The following ABCA13 variants were observed in gnomAD, a reference collection of about 807,000 sequenced individuals.
The protein encoded by ABCA13 is ATP binding cassette subfamily A member 13, also known as ATP-binding cassette sub-family A member 13.
ABCA13 carries 476 observed loss-of-function variants against 478.7 expected under a neutral mutation model. The observed-to-expected ratio is 0.99, with a 90% CI of 0.92 to 1.07. The LOEUF is 1.07. ABCA13 is among the 50% of genes least tolerant of loss of function. The probability of loss-of-function intolerance (pLI) is 0.00; values close to 1 mark genes in which losing one functional copy is unlikely to be tolerated. For synonymous variants in ABCA13, 2,252 were observed against 2,158.9 expected (o/e 1.04, Z -1.20); for missense variants, 6,060 against 5,910.6 (o/e 1.03, Z -0.83).
intron 42 of ABCA13, among the ~76,000 whole-genome samples, chr7:48,438,345 G>C (rs1475665713): frequency 6.6e-6 from 1 of 152,044 alleles, no homozygotes; most frequent in African/African-American, 2.4e-5. Flanking sequence ...GGTTGCTATA[G>C]ATCTTAGACT....
chr7:48,405,668 G>C (rs1818175078), intron 39 of ABCA13, among the ~76,000 whole-genome samples: 1 of 152,162 alleles, frequency 6.6e-6, no homozygotes, highest in South Asian at 2.1e-4. Flanking sequence ...CACTACTCTT[G>C]TTTAGTTTAA....
chr7:48,464,434 A>G (rs780675032), intron 43 of ABCA13, among the ~76,000 whole-genome samples: 7 of 152,186 alleles, frequency 4.6e-5, no homozygotes, highest in Non-Finnish European at 8.8e-5. Context: ...AACCATACGA[A>G]TATTTTAAAA....
chr7:48,544,474 T>G (rs4296993), intron 55 of ABCA13, among the ~76,000 whole-genome samples: 21,165 of 151,436 alleles, frequency 0.14, 2,034 homozygotes, highest in African/African-American at 0.23. Context: ...AAGGTTAAGT[T>G]GATCACAAAT....
chr7:48,236,659 C>T (rs960204368), intron 8 of ABCA13, among the ~76,000 whole-genome samples: 6 of 152,192 alleles, frequency 3.9e-5, no homozygotes, highest in African/African-American at 1.4e-4. Flanking sequence ...CAATAAAAAC[C>T]CTTGTGGTTA....
intron 20 of ABCA13, among the ~76,000 whole-genome samples, chr7:48,288,902 A>T (rs2128806577): frequency 6.6e-6 from 1 of 152,270 alleles, no homozygotes; most frequent in South Asian, 2.1e-4. Flanking sequence ...GGTAGGCCTG[A>T]TCCCCCTGAC....
intron 27 of ABCA13, among the ~76,000 whole-genome samples, chr7:48,327,673 A>G (rs927117785): frequency 1.3e-5 from 2 of 152,234 alleles, no homozygotes; most frequent in Admixed American, 1.3e-4. Flanking sequence ...CAGACTCTGC[A>G]GCCAATTTAT....
chr7:48,437,751 T>A (rs933631011), intron 42 of ABCA13, among the ~76,000 whole-genome samples: 8 of 152,114 alleles, frequency 5.3e-5, no homozygotes, highest in Non-Finnish European at 1.0e-4. Context: ...TGTGGAATAC[T>A]TCTGCTAATT....
chr7:48,313,203 C>A lies in ABCA13; in HGVS notation c.9653C>A (p.Ala3218Asp), dbSNP rs1174779544. 1 of 1,611,914 alleles carries A rather than the reference C, an allele frequency of 6.2e-7. No homozygotes were observed. The highest frequency in any genetic ancestry group is 2.2e-5 in the East Asian group (1 of 44,856). Reference sequence around the variant, plus strand: ...TTTCTTCACACATTTAAAATCACTGCCTTGCTAGAAACCCTGGACTTTCAA... The same window carrying A: ...TTTCTTCACACATTTAAAATCACTGACTTGCTAGAAACCCTGGACTTTCAA... ...PEFLHTFKIT[A>D]LLETLDFQQV... The change falls in exon 25 of 62, where the codon GCC (alanine) becomes GAC (aspartate). Residue 3218 changes from alanine to aspartate, a missense_variant. This residue lies in a region of ABCA13 where 4,423 missense variants were observed against 4,309.1 expected (regional missense o/e 1.03). Transcript: ENST00000435803.
rs759999342 is a variant in ABCA13, at chr7:48,412,533, C to T, written c.12409C>T (p.His4137Tyr). 3 of 1,613,120 alleles carry T rather than the reference C, an allele frequency of 1.9e-6. No individual in the cohort carries two copies. In the Admixed American group the frequency reaches 5.0e-5, roughly 27 times the overall value. Reference protein sequence around the residue: ...GLFQALDENLHQLHLTGYGIS... With the variant: ...GLFQALDENLYQLHLTGYGIS... Reference sequence around the variant, plus strand: ...CTTCCAGGCCCTGGATGAGAACCTGCATCAGCTGCACCTGACGGGCTATGG... The same window carrying T: ...CTTCCAGGCCCTGGATGAGAACCTGTATCAGCTGCACCTGACGGGCTATGG... Residue 4137 changes from histidine (H) to tyrosine (Y), a missense_variant, in exon 41 of 62, where the codon CAT (histidine) becomes TAT (tyrosine). Coordinates refer to ENST00000435803, the MANE Select transcript of ABCA13 (RefSeq NM_152701.5).
Position 48,203,633 on chromosome 7 carries a change from GAGC to G in ABCA13, c.287+5276_287+5278del, listed in dbSNP as rs371944467. On this transcript the variant is annotated intron_variant, in intron 3 of 61. Coordinates refer to ENST00000435803, the MANE Select transcript of ABCA13 (RefSeq NM_152701.5). Reference sequence around the variant, plus strand: ...CCTTCATTTTAACAAGAGGATTTCAGAGCAGAAATATGAAGCACTGCAGGCAAC... The same window carrying G: ...CCTTCATTTTAACAAGAGGATTTCAGAGAAATATGAAGCACTGCAGGCAAC... Among the ~76,000 whole-genome samples, 702 of 152,374 alleles carry G rather than the reference GAGC, an allele frequency of 4.6e-3. 11 individuals are homozygous for G. Among genetic ancestry groups the G allele is most frequent in the African/African-American group, 0.016 (670 of 41,592 alleles).
At chr7:48,444,426 A>G (rs1262137092) in intron 42 of ABCA13, among the ~76,000 whole-genome samples, 1 of 152,150 alleles carries the variant, frequency 6.6e-6, no homozygotes, top group Non-Finnish European at 1.5e-5. Context: ...CCAGCACATC[A>G]CTAGTTTCAA....
intron 54 of ABCA13, among the ~76,000 whole-genome samples, chr7:48,526,813 C>T (rs1042407824): frequency 4.6e-5 from 7 of 152,114 alleles, no homozygotes; most frequent in African/African-American, 1.4e-4. Context: ...ACTGTATATC[C>T]TTCTCCATCT....
rs376268823 is a variant in ABCA13 at position 48,278,819 on chromosome 7, C to G, written c.7625C>G (p.Thr2542Ser). ...VSGKMSTVFK[T>S]HFISNTKDSV... Reference sequence around the variant, plus strand: ...GGGAAGATGTCCACAGTTTTTAAAACTCATTTTATCTCCAATACCAAGGAC... The same window carrying G: ...GGGAAGATGTCCACAGTTTTTAAAAGTCATTTTATCTCCAATACCAAGGAC... Residue 2542 changes from threonine (T) to serine (S), a missense_variant, in exon 18 of 62, where the codon ACT becomes AGT. This residue lies in a region of ABCA13 where 4,423 missense variants were observed against 4,309.1 expected (regional missense o/e 1.03). Transcript: ENST00000435803. 2 of 1,613,798 alleles carry G rather than the reference C, an allele frequency of 1.2e-6. No homozygotes were observed. The highest frequency in any genetic ancestry group is 2.2e-5 in the South Asian group (2 of 91,074).
chr7:48,202,177 G>A (rs1296627355), intron 3 of ABCA13, among the ~76,000 whole-genome samples: 1 of 151,522 alleles, frequency 6.6e-6, no homozygotes, highest in Non-Finnish European at 1.5e-5. Context: ...GGACCCTAGT[G>A]GCTTGCCGCT....
At chr7:48,509,388 A>C (rs1174159374) in intron 50 of ABCA13, among the ~76,000 whole-genome samples, 2 of 152,244 alleles carry the variant, frequency 1.3e-5, no homozygotes, top group Non-Finnish European at 2.9e-5. Flanking sequence ...TAAGGGCCAC[A>C]ACTTTCCCAG....
At chr7:48,481,748 TCCTC>T (rs1828791825) in intron 46 of ABCA13, among the ~76,000 whole-genome samples, 1 of 151,878 alleles carries the variant, frequency 6.6e-6, no homozygotes, top group African/African-American at 2.4e-5. Context: ...CCTCAGGTGA[TCCTC>T]CCGCCTCAGG....
chr7:48,454,275 C>T lies in ABCA13; in HGVS notation c.12566-762C>T, dbSNP rs561215427. The stretch of plus-strand genomic sequence containing the variant: ...TCTCTGCTCCCAGCTTCTCATCCAC[C>T]CAGTGGACAGAAAAGCTGCTCTCCA... On this transcript the variant is annotated intron_variant, in intron 42 of 61. Coordinates refer to ENST00000435803, the MANE Select transcript of ABCA13 (RefSeq NM_152701.5). 3.9e-5 allele frequency among the ~76,000 whole-genome samples: 6 copies of T among 152,278 alleles called. 1 individual carries two copies. The South Asian group carries it at 1.0e-3, about 26-fold the overall frequency.
chr7:48,272,069 T>C lies in ABCA13; in HGVS notation c.2403T>C (p.Ile801=), dbSNP rs200001139. 9.9e-5 allele frequency: 160 copies of C among 1,613,712 alleles called. 1 individual carries two copies. In the East Asian group the frequency reaches 3.5e-3, roughly 35 times the overall value. Residue 801 remains isoleucine, a synonymous_variant, in exon 17 of 62, where the codon ATT becomes ATC. Transcript: ENST00000435803. ...QKLLEFGNEV[I]WKMQTLGSHW... ...TCTTGGAATTTGGCAACGAAGTGATTTGGAAAATGCAGACTCTCGGAAGTC... is the reference window on the plus strand; with the variant it reads ...TCTTGGAATTTGGCAACGAAGTGATCTGGAAAATGCAGACTCTCGGAAGTC...
rs1183876839 is a variant in ABCA13 at position 48,489,354 on chromosome 7, T to C, written c.13291+10T>C. The C allele has an allele frequency of 1.3e-6, 2 of 1,562,236 alleles. No individual in the cohort carries two copies. Among genetic ancestry groups the C allele is most frequent in the East Asian group, 2.2e-5 (1 of 44,518 alleles). On this transcript the variant is annotated intron_variant, in intron 48 of 61. Transcript: ENST00000435803. The stretch of plus-strand genomic sequence containing the variant: ...GACTGGAGACAATACGGTAATGTTA[T>C]TTTTCATGCATTGTAATTCACTACT...
Sources: gnomAD v4.1 joint callset for allele counts (sites outside exome capture counted in the v4.1 genomes callset) on GRCh38, gnomAD v4.1.1 for gene constraint, gnomAD v4.1.1 regional missense constraint, MANE v1.5 for transcripts, NCBI Gene and HGNC (gene_info 2026-07-23, HGNC 2026-07-21) for gene names.